Variants in EFCAB7 observed in about 807,000 individuals in gnomAD.
EFCAB7 encodes EF-hand calcium-binding domain-containing protein 7.
A neutral mutation model predicts 77.1 loss-of-function variants in EFCAB7; 66 were observed. The ratio of observed to expected loss-of-function variants is 0.86; its 90% CI spans 0.70 to 1.05. The LOEUF is 1.05. Ranked by LOEUF, EFCAB7 falls within the 50% of genes least tolerant of loss-of-function variation. EFCAB7 has a pLI of 0.00. For missense variants in EFCAB7, 638 were observed against 730.5 expected (o/e 0.87, Z 1.46); for synonymous variants, 225 against 243.3 (o/e 0.92, Z 0.70).
At chr1:63,532,626 A>C in intron 3 of EFCAB7, 44 bp from the exon 4 acceptor site, 1 of 1,473,684 alleles carries the variant, frequency 6.8e-7, no homozygotes, top group Non-Finnish European at 9.3e-7. Flanking sequence ...ATAACAAAGG[A>C]GTAATCATGT....
At chr1:63,575,418 T>G (rs898913996), downstream of EFCAB7, among the ~76,000 whole-genome samples, 8 of 152,058 alleles carry the variant, frequency 5.3e-5, no homozygotes, top group African/African-American at 1.9e-4. Flanking sequence ...TCCAAGAAAA[T>G]GGATGTGTAT....
chr1:63,579,999 T>A, the EFCAB7 span, among the ~76,000 whole-genome samples: 2 of 152,212 alleles, frequency 1.3e-5, no homozygotes, highest in Non-Finnish European at 2.9e-5. Context: ...TGAAAGTATT[T>A]TCTTCTCTTC....
intron 10 of EFCAB7, among the ~76,000 whole-genome samples, chr1:63,560,899 C>T (rs927214694): frequency 6.6e-6 from 1 of 152,162 alleles, no homozygotes; most frequent in Non-Finnish European, 1.5e-5. Context: ...CAATAATGCA[C>T]ACAAAAGAGA....
intron 1 of EFCAB7, among the ~76,000 whole-genome samples, chr1:63,524,563 CTT>C (rs1335123134): frequency 4.3e-4 from 66 of 152,306 alleles, no homozygotes; most frequent in African/African-American, 1.4e-3. Context: ...CCTGTGTTAT[CTT>C]ATTATTGAAC....
chr1:63,581,595 T>G, the EFCAB7 span, among the ~76,000 whole-genome samples: 15 of 152,334 alleles, frequency 9.8e-5, no homozygotes, highest in South Asian at 3.1e-3. Context: ...TTATTCTTTT[T>G]ATATATTTTG....
downstream of EFCAB7, among the ~76,000 whole-genome samples, chr1:63,576,161 A>C (rs1172130457): frequency 3.9e-5 from 6 of 152,198 alleles, no homozygotes; most frequent in Admixed American, 1.3e-4. Context: ...TGTGTGAGCC[A>C]GGAACTCTAG....
chr1:63,552,338 G>T (rs1646975699), intron 8 of EFCAB7, among the ~76,000 whole-genome samples: 1 of 152,084 alleles, frequency 6.6e-6, no homozygotes, highest in Admixed American at 6.6e-5. Flanking sequence ...TTTTCTAAAT[G>T]CCCTGATGCC....
chr1:63,557,645 G>A (rs1042855281), intron 10 of EFCAB7, among the ~76,000 whole-genome samples: 1 of 152,098 alleles, frequency 6.6e-6, no homozygotes, highest in African/African-American at 2.4e-5. Flanking sequence ...CCAGGAAGTT[G>A]CTTATATTAT....
chr1:63,570,838 G>T, intron 12 of EFCAB7, 183 bp from the exon 13 acceptor site: 1 of 429,792 alleles, frequency 2.3e-6, no homozygotes, highest in Non-Finnish European at 4.2e-6. Flanking sequence ...TATATAAATG[G>T]TGACAGATTG....
At chr1:63,543,317 T>A (rs1411729011) in intron 6 of EFCAB7, among the ~76,000 whole-genome samples, 1 of 152,256 alleles carries the variant, frequency 6.6e-6, no homozygotes, top group East Asian at 1.9e-4. Context: ...TTCATGCTAG[T>A]ACCACACCCT....
At chr1:63,532,629 A>T in intron 3 of EFCAB7, 41 bp from the exon 4 acceptor site, 1 of 1,508,636 alleles carries the variant, frequency 6.6e-7, no homozygotes, top group Non-Finnish European at 9.0e-7. Flanking sequence ...ACAAAGGAGT[A>T]ATCATGTTGC....
chr1:63,523,747 A>G (rs959795924), intron 1 of EFCAB7, 113 bp downstream of exon 1: 2 of 155,842 alleles, frequency 1.3e-5, no homozygotes, highest in African/African-American at 4.8e-5. Context: ...TGGTCCATGT[A>G]TGTACCTAAA....
chr1:63,536,015 T>A (rs910420866), intron 6 of EFCAB7, among the ~76,000 whole-genome samples: 1 of 152,136 alleles, frequency 6.6e-6, no homozygotes, highest in African/African-American at 2.4e-5. Context: ...CCAAAATTAG[T>A]CTGTAAGTCA....
At chr1:63,571,293 C>G (rs990056499) in intron 13 of EFCAB7, among the ~76,000 whole-genome samples, 165 bp downstream of exon 13, 3 of 152,146 alleles carry the variant, frequency 2.0e-5, no homozygotes, top group Non-Finnish European at 4.4e-5. Flanking sequence ...GACTTTGGTT[C>G]TAATCCAGTT....
intron 2 of EFCAB7, chr1:63,527,878 C>T (rs1354900307): frequency 6.6e-6 from 1 of 152,164 alleles, no homozygotes; most frequent in African/African-American, 2.4e-5. Context: ...AAGTTACATA[C>T]CTTTTTTCTC....
chr1:63,556,182 A>T (rs1647028149), intron 9 of EFCAB7, among the ~76,000 whole-genome samples: 1 of 152,120 alleles, frequency 6.6e-6, no homozygotes, highest in Admixed American at 6.6e-5. Flanking sequence ...AGTTCAGGAG[A>T]TCTGTTGACA....
downstream of EFCAB7, among the ~76,000 whole-genome samples, chr1:63,576,449 C>T (rs1289464966): frequency 6.6e-6 from 1 of 151,806 alleles, no homozygotes; most frequent in Non-Finnish European, 1.5e-5. Context: ...CATTGCATTC[C>T]AGCCCGGGCG....
At chr1:63,554,281 T>C (rs1647000268) in intron 8 of EFCAB7, among the ~76,000 whole-genome samples, 1 of 152,212 alleles carries the variant, frequency 6.6e-6, no homozygotes, top group Non-Finnish European at 1.5e-5. Flanking sequence ...TAGGAAACCT[T>C]TGGGCTCCAA....
chr1:63,578,748 C>A, the EFCAB7 span, among the ~76,000 whole-genome samples: 200 of 151,896 alleles, frequency 1.3e-3, 3 homozygotes, highest in Admixed American at 0.011. Flanking sequence ...GCCTCACAAG[C>A]AATAGATCAA....
Sources: allele counts gnomAD v4.1 joint callset (sites outside exome capture counted in the v4.1 genomes callset), GRCh38; gene constraint gnomAD v4.1.1; transcripts MANE v1.5; gene names NCBI Gene and HGNC (gene_info 2026-07-23, HGNC 2026-07-21).